CDK11A: variants seen among roughly 807,000 people sequenced by gnomAD.
CDK11A encodes the protein cyclin-dependent kinase 11A.
In CDK11A, 55 loss-of-function variants were observed where a neutral mutation model predicts 83.6. The ratio of observed to expected loss-of-function variants is 0.66; its 90% CI spans 0.53 to 0.82. The LOEUF is 0.82. Ranked by LOEUF, CDK11A falls within the 40% of genes least tolerant of loss-of-function variation. The pLI is 0.00. For synonymous variants in CDK11A, 247 were observed against 302.7 expected, an observed-to-expected ratio of 0.82 and a Z score of 1.91; for missense variants, 564 against 810.1, an observed-to-expected ratio of 0.70 and a Z score of 3.69.
In CDK11A at chr1:1,707,464, G is replaced by C. The variant is rs777457352; in HGVS notation, c.1190C>G (p.Ala397Gly). 6.2e-7 allele frequency: 1 copy of C among 1,607,706 alleles called. No homozygotes were observed. The highest frequency in any genetic ancestry group is 1.3e-5 in the African/African-American group (1 of 74,194). Reference sequence around the variant, plus strand: ...CTGCTTGAGCTCGATGGGCAACAGGGCAGGGGAGTCGGGCACATAGTCGCC... The same window carrying C: ...CTGCTTGAGCTCGATGGGCAACAGGCCAGGGGAGTCGGGCACATAGTCGCC... ...TEGDYVPDSP[A>G]LLPIELKQEL... The change falls in exon 11 of 20, where the codon GCC (alanine) becomes GGC (glycine). Residue 397 changes from alanine to glycine, a missense_variant. Physicochemically the swap from Ala to Gly is moderately conservative, Grantham distance 60. This residue lies in a region of CDK11A where 361 missense variants were observed against 402.7 expected (regional missense o/e 0.90). Transcript: ENST00000404249.
rs1029150789 is a variant in CDK11A, at chr1:1,717,343, T to C, written c.356-865A>G. Among the ~76,000 whole-genome samples, 16 of 149,756 alleles carry C rather than the reference T, an allele frequency of 1.1e-4. 2 individuals are homozygous for C. Among genetic ancestry groups the C allele is most frequent in the African/African-American group, 3.7e-4 (15 of 41,068 alleles). ...AATTAATCAAGCGTATTTATAATAA[T>C]GAGATTTCAATCGGGCTCCAGGTCC... is the stretch of plus-strand genomic sequence containing the variant. On this transcript the variant is annotated intron_variant, in intron 4 of 19. Coordinates refer to ENST00000404249, the MANE Select transcript of CDK11A (RefSeq NM_024011.4).
chr1:1,719,885 G>A (rs1159560854), intron 3 of CDK11A, among the ~76,000 whole-genome samples: 2 of 150,636 alleles, frequency 1.3e-5, no homozygotes, highest in East Asian at 1.9e-4. Context: ...AAAGTGCTGG[G>A]ATTACAGGCG....
intron 3 of CDK11A, among the ~76,000 whole-genome samples, chr1:1,721,097 G>T (rs1269599979): frequency 6.6e-6 from 1 of 150,832 alleles, no homozygotes; most frequent in African/African-American, 2.4e-5. Context: ...GGAGGCTGAG[G>T]CAGGAGAATG....
At chr1:1,713,568 T>C (rs1460764747) in intron 5 of CDK11A, among the ~76,000 whole-genome samples, 1 of 104,118 alleles carries the variant, frequency 9.6e-6, no homozygotes, top group Non-Finnish European at 2.3e-5. Context: ...CTCATGATAC[T>C]AGCTCAAGTC....
rs368753784 is a variant in CDK11A, at chr1:1,721,626, G to A, written c.197C>T (p.Pro66Leu). 4.7e-5 allele frequency: 75 copies of A among 1,606,934 alleles called. 5 individuals are homozygous for A. Among genetic ancestry groups the A allele is most frequent in the East Asian group, 2.0e-4 (9 of 44,770 alleles). The part of the protein sequence containing the change: ...HCMEITIRNS[P>L]YRREDSMEDR... ...TTCCATTGAGTCTTCTCTTCTATACGGGGAGTTCCTTATTGTGATCTCCAT... is the reference window on the plus strand; with the variant it reads ...TTCCATTGAGTCTTCTCTTCTATACAGGGAGTTCCTTATTGTGATCTCCAT... Residue 66 changes from proline to leucine, a missense_variant, in exon 3 of 20, where the codon CCG becomes CTG. This residue lies in a region of CDK11A where 151 missense variants were observed against 147.4 expected (regional missense o/e 1.02). Transcript: ENST00000404249.
intron 13 of CDK11A, 59 bp downstream of exon 13, chr1:1,704,845 A>G (rs1557780984): frequency 6.2e-7 from 1 of 1,607,180 alleles, no homozygotes; most frequent in Non-Finnish European, 8.5e-7. Flanking sequence ...CCAGGACAGC[A>G]CGGGGCCCTG....
At chr1:1,718,267 C>G (rs1570426334) in intron 4 of CDK11A, among the ~76,000 whole-genome samples, 1 of 143,044 alleles carries the variant, frequency 7.0e-6, no homozygotes, top group Non-Finnish European at 1.5e-5. Flanking sequence ...AGTTTGCTCT[C>G]TCTGGTTTTC....
chr1:1,707,680 C>T (rs1202337748), intron 10 of CDK11A, 96 bp from the exon 11 acceptor site: 11 of 1,169,012 alleles, frequency 9.4e-6, no homozygotes, highest in African/African-American at 7.4e-5. Flanking sequence ...AGGGCTGCCC[C>T]GTGTCCCGCT....
Position 1,703,919 on chromosome 1 carries a change from T to G in CDK11A, c.1816A>C (p.Met606Leu). ...CCGAAGATGCAGCCCACTGACCACATGTCCACGGCCGTGGAGTATTCCTAA... is the reference window on the plus strand; with the variant it reads ...CCGAAGATGCAGCCCACTGACCACAGGTCCACGGCCGTGGAGTATTCCTAA... ...GAKEYSTAVD[M>L]WSVGCIFGEL... is the part of the protein sequence containing the mutation. The change falls in exon 17 of 20, where the codon ATG becomes CTG. Residue 606 changes from methionine (M) to leucine (L), a missense_variant. Physicochemically the swap from Met to Leu is conservative, Grantham distance 15 (BLOSUM62 2). Around this residue, in one of 5 missense-constraint regions of CDK11A, gnomAD observed 361 missense variants for 402.7 expected, o/e 0.90. Transcript: ENST00000404249. 6.2e-7 allele frequency: 1 copy of G among 1,609,590 alleles called. No individual in the cohort carries two copies. Among genetic ancestry groups the G allele is most frequent in the Middle Eastern group, 1.7e-4 (1 of 6,034 alleles).
rs1644466828 is a variant in CDK11A, at chr1:1,710,677, G to C, written c.626-1037C>G. Among the ~76,000 whole-genome samples, 2 of 150,930 alleles carry C rather than the reference G, an allele frequency of 1.3e-5. 1 individual carries two copies. Among genetic ancestry groups the C allele is most frequent in the South Asian group, 4.2e-4 (2 of 4,756 alleles). ...CCTGACGGTAGATGTCCCAGACAAAGATTTTAGGGAACTGTCTTAAACCTT... is the reference window on the plus strand; with the variant it reads ...CCTGACGGTAGATGTCCCAGACAAACATTTTAGGGAACTGTCTTAAACCTT... On this transcript the variant is annotated intron_variant, in intron 6 of 19. Coordinates refer to ENST00000404249, the MANE Select transcript of CDK11A (RefSeq NM_024011.4).
Position 1,708,169 on chromosome 1 carries a change from G to T in CDK11A, c.1069+11C>A, listed in dbSNP as rs373681382. On this transcript the variant is annotated intron_variant, in intron 10 of 19. Coordinates refer to ENST00000404249, the MANE Select transcript of CDK11A (RefSeq NM_024011.4). ...ACAAGGAGGGGGCTCTGTCTCCAGG[G>T]AGGTTCTTACCAACCAAGAGGTGGT... is the stretch of plus-strand genomic sequence containing the variant. 1 of 1,523,788 alleles carries T rather than the reference G, an allele frequency of 6.6e-7. No homozygotes were observed. The highest frequency in any genetic ancestry group is 8.9e-7 in the Non-Finnish European group (1 of 1,125,906). The allele number at this position is 1,523,788 out of a possible 1,614,324, so 94.4% of individuals were successfully genotyped here.
At chr1:1,706,598 C>T (rs1173694151) in intron 11 of CDK11A, among the ~76,000 whole-genome samples, 2 of 151,322 alleles carry the variant, frequency 1.3e-5, no homozygotes, top group Non-Finnish European at 3.0e-5. Context: ...GATGTGTCCC[C>T]TGCTTGTACC....
rs1301052941 is a variant in CDK11A at position 1,703,826 on chromosome 1, T to A, written c.1909A>T (p.Lys637Ter). ...SEIDQINKVFKELGTPSEKIW... is the reference protein window; with the variant it reads ...SEIDQINKVF Reference sequence around the variant, plus strand: ...ACCTGCGGCAGGGCCAGACCCACCTTGAACACTTTGTTGATCTGATCGATT... The same window carrying A: ...ACCTGCGGCAGGGCCAGACCCACCTAGAACACTTTGTTGATCTGATCGATT... The change falls in exon 17 of 20, where the codon AAG becomes TAG. Residue 637 changes from lysine (K) to a stop codon, truncating the protein, a stop_gained and splice_region_variant. Transcript: ENST00000404249. LOFTEE classifies it high-confidence loss of function. The A allele has an allele frequency of 6.2e-7, 1 of 1,609,676 alleles. No individual in the cohort carries two copies.
chr1:1,709,218 CG>C (rs1352072928), intron 7 of CDK11A, 85 bp from the exon 8 acceptor site: 5 of 566,524 alleles, frequency 8.8e-6, no homozygotes, highest in Non-Finnish European at 1.5e-5. Context: ...GTGCCTTTCA[CG>C]TAACGATTAA....
At chr1:1,722,470 C>T (rs1325332512) in intron 2 of CDK11A, 7 of 651,480 alleles carry the variant, frequency 1.1e-5, no homozygotes, top group Non-Finnish European at 1.8e-5. Flanking sequence ...TCCAGTTTTG[C>T]TAATGACTTA....
intron 14 of CDK11A, 56 bp from the exon 15 acceptor site, chr1:1,704,400 A>T (rs1278512586): frequency 1.9e-6 from 3 of 1,597,690 alleles, no homozygotes; most frequent in East Asian, 4.5e-5. Context: ...CAGGGCACTC[A>T]GGGTGGCCCG....
chr1:1,708,149 G>T (rs760171388), intron 10 of CDK11A, 31 bp downstream of exon 10: 1 of 1,558,546 alleles, frequency 6.4e-7, no homozygotes. Flanking sequence ...GACAGACAAG[G>T]AGGGGGCTCT....
At chr1:1,719,930 T>G (rs1644840853) in intron 3 of CDK11A, among the ~76,000 whole-genome samples, 1 of 149,394 alleles carries the variant, frequency 6.7e-6, no homozygotes, top group Non-Finnish European at 1.5e-5. Flanking sequence ...GTCTTAAGAT[T>G]CAGATGAAAA....
intron 9 of CDK11A, among the ~76,000 whole-genome samples, chr1:1,708,457 G>C (rs1487447570): frequency 6.8e-6 from 1 of 146,556 alleles, no homozygotes; most frequent in East Asian, 2.0e-4. Context: ...CCTGGCCAAC[G>C]TGGTGAAACC....
Sources: gnomAD v4.1 joint callset for allele counts (sites outside exome capture counted in the v4.1 genomes callset) on GRCh38, gnomAD v4.1.1 for gene constraint, gnomAD v4.1.1 regional missense constraint, MANE v1.5 for transcripts, NCBI Gene and HGNC (gene_info 2026-07-23, HGNC 2026-07-21) for gene names.